AGBL4: variants seen among roughly 807,000 people sequenced by gnomAD.
AGBL4 encodes AGBL carboxypeptidase 4.
A neutral mutation model predicts 66.4 loss-of-function variants in AGBL4; 58 were observed. The ratio of observed to expected loss-of-function variants is 0.87; its 90% CI spans 0.71 to 1.09. AGBL4 has a LOEUF of 1.09. Ranked by LOEUF, AGBL4 falls within the 50% of genes least tolerant of loss-of-function variation. The pLI is 0.00. For missense variants in AGBL4, 579 were observed against 631.0 expected (o/e 0.92, Z 0.88); for synonymous variants, 234 against 222.9 (o/e 1.05, Z -0.44).
chr1:48,679,152 G>A (rs548888536), intron 6 of AGBL4, among the ~76,000 whole-genome samples: 2 of 152,358 alleles, frequency 1.3e-5, no homozygotes, highest in East Asian at 3.9e-4. Context: ...AGGGTTCTTA[G>A]AGGAGGGCTT....
intron 3 of AGBL4, among the ~76,000 whole-genome samples, chr1:49,304,575 G>A (rs1219034213): frequency 6.6e-6 from 1 of 152,086 alleles, no homozygotes; most frequent in Non-Finnish European, 1.5e-5. Flanking sequence ...GGTTATCAAT[G>A]CCCAACTATG....
intron 1 of AGBL4, among the ~76,000 whole-genome samples, chr1:49,987,818 C>A (rs1659627453): frequency 1.3e-5 from 2 of 151,812 alleles, no homozygotes; most frequent in Admixed American, 6.6e-5. Context: ...GTACTAAGTA[C>A]TTTGCAACTA....
chr1:48,787,514 C>T (rs1056657591), intron 6 of AGBL4, among the ~76,000 whole-genome samples: 3 of 152,090 alleles, frequency 2.0e-5, no homozygotes, highest in Non-Finnish European at 4.4e-5. Context: ...TTATTAATGT[C>T]AACCAATATA....
intron 2 of AGBL4, chr1:49,845,842 C>A (rs2148050718): frequency 6.8e-7 from 1 of 1,472,658 alleles, no homozygotes; most frequent in South Asian, 1.1e-5. Context: ...CGACTGCAGT[C>A]AGTGTGGGAA....
chr1:49,974,750 T>G (rs1325590500), intron 1 of AGBL4, among the ~76,000 whole-genome samples: 1 of 152,186 alleles, frequency 6.6e-6, no homozygotes, highest in East Asian at 1.9e-4. Context: ...TGTGTGCTGA[T>G]GGAGTTCATT....
At chr1:48,649,145 T>C (rs916111347) in intron 8 of AGBL4, among the ~76,000 whole-genome samples, 13 of 152,188 alleles carry the variant, frequency 8.5e-5, no homozygotes, top group African/African-American at 3.1e-4. Flanking sequence ...GAGTTTATAG[T>C]CTAAAGTGAA....
intron 3 of AGBL4, among the ~76,000 whole-genome samples, chr1:49,589,101 GCTGTGGTTTAGAT>G (rs1410257151): frequency 1.7e-4 from 26 of 152,240 alleles, no homozygotes; most frequent in Non-Finnish European, 2.9e-4. Context: ...TTTATTATAA[GCTGTGGTTTAGAT>G]CTCAAACCTC....
intron 4 of AGBL4, among the ~76,000 whole-genome samples, chr1:49,186,542 A>G (rs1292639178): frequency 2.0e-5 from 3 of 151,050 alleles, no homozygotes; most frequent in African/African-American, 7.2e-5. Flanking sequence ...ACATGGTAAC[A>G]ACAATACCAA....
intron 3 of AGBL4, among the ~76,000 whole-genome samples, chr1:49,259,372 A>G (rs1652879169): frequency 6.6e-6 from 1 of 152,162 alleles, no homozygotes; most frequent in Non-Finnish European, 1.5e-5. Flanking sequence ...AAATTGGATA[A>G]AGAGTCAAGA....
chr1:48,717,157 T>C (rs1255398401), intron 6 of AGBL4, among the ~76,000 whole-genome samples: 2 of 152,242 alleles, frequency 1.3e-5, no homozygotes, highest in East Asian at 3.8e-4. Context: ...TTTTGCTTTT[T>C]GCCTTTTTTT....
chr1:49,815,503 T>C (rs1557474540), intron 2 of AGBL4, among the ~76,000 whole-genome samples: 1 of 152,196 alleles, frequency 6.6e-6, no homozygotes, highest in African/African-American at 2.4e-5. Flanking sequence ...ATTTTTGATA[T>C]ACTGATTTCC....
intron 6 of AGBL4, among the ~76,000 whole-genome samples, chr1:48,798,757 T>A (rs1570699347): frequency 6.6e-6 from 1 of 152,326 alleles, no homozygotes; most frequent in East Asian, 1.9e-4. Flanking sequence ...CAGCACCATT[T>A]GTTGGATAGG....
chr1:48,991,995 T>C (rs1473422375), intron 5 of AGBL4, among the ~76,000 whole-genome samples: 1 of 152,166 alleles, frequency 6.6e-6, no homozygotes, highest in Non-Finnish European at 1.5e-5. Flanking sequence ...TGGTGTCTTA[T>C]TTGGTTCATT....
chr1:48,705,860 A>C (rs558154501), intron 6 of AGBL4, among the ~76,000 whole-genome samples: 1 of 101,284 alleles, frequency 9.9e-6, no homozygotes, highest in African/African-American at 2.6e-5. Flanking sequence ...AAGATTGAAC[A>C]GTGATGAACC....
At chr1:48,749,553 C>A (rs1242010544) in intron 6 of AGBL4, among the ~76,000 whole-genome samples, 2 of 152,176 alleles carry the variant, frequency 1.3e-5, no homozygotes, top group Non-Finnish European at 2.9e-5. Flanking sequence ...TACCCTACCC[C>A]TCCTCAATGA....
At chr1:48,593,093 T>TA (rs1644942650) in intron 9 of AGBL4, among the ~76,000 whole-genome samples, 1 of 152,182 alleles carries the variant, frequency 6.6e-6, no homozygotes, top group African/African-American at 2.4e-5. Context: ...ATCTCCCTTC[T>TA]ACCAGTCACC....
chr1:49,404,372 A>G (rs1409638138), intron 3 of AGBL4, among the ~76,000 whole-genome samples: 1 of 152,212 alleles, frequency 6.6e-6, no homozygotes, highest in Non-Finnish European at 1.5e-5. Flanking sequence ...ACTAGAAGCC[A>G]AATTTGCCAC....
chr1:49,444,306 T>A (rs935409364), intron 3 of AGBL4, among the ~76,000 whole-genome samples: 6 of 152,074 alleles, frequency 3.9e-5, no homozygotes, highest in African/African-American at 1.4e-4. Flanking sequence ...CAATGTGTTT[T>A]TTTGTTGTTG....
At position 48,838,659 on chromosome 1, in the gene AGBL4, C is replaced by T. The variant is rs182584948; in HGVS notation, c.634+28532G>A. On this transcript the variant is annotated intron_variant, in intron 6 of 13. Transcript: ENST00000371839. ...TTTCTTGAGTAAGACATCAAAAGTA[C>T]AGACAATCAAAGCAAAAATCGACAA... 2.0e-3 allele frequency among the ~76,000 whole-genome samples: 299 copies of T among 152,126 alleles called. 2 individuals carry two copies. The highest frequency in any genetic ancestry group is 6.8e-3 in the African/African-American group (282 of 41,524).
Sources: gnomAD v4.1 joint callset for allele counts (sites outside exome capture counted in the v4.1 genomes callset) on GRCh38, gnomAD v4.1.1 for gene constraint, MANE v1.5 for transcripts, NCBI Gene and HGNC (gene_info 2026-07-23, HGNC 2026-07-21) for gene names.